Variants in HLA-DQB2 observed in about 807,000 individuals in gnomAD.
The protein encoded by HLA-DQB2 is major histocompatibility complex, class II, DQ beta 2.
HLA-DQB2 carries 24 observed loss-of-function variants against 29.2 expected under a neutral mutation model. The ratio of observed to expected loss-of-function variants is 0.82; its 90% CI spans 0.60 to 1.16. The LOEUF (loss-of-function observed/expected upper bound fraction) is 1.16. Among genes scored for constraint, HLA-DQB2 ranks in the 50% most tolerant of loss-of-function variants. HLA-DQB2 has a pLI of 0.00. For missense variants in HLA-DQB2, 273 were observed against 343.6 expected, an observed-to-expected ratio of 0.79 and a Z score of 1.62; for synonymous variants, 104 against 133.1, an observed-to-expected ratio of 0.78 and a Z score of 1.51.
Position 32,761,742 on chromosome 6 carries a change from G to A in HLA-DQB2, c.282C>T (p.Phe94=), listed in dbSNP as rs1764845121. The A allele has an allele frequency of 6.4e-7, 1 of 1,558,736 alleles. No homozygotes were observed. The highest frequency in any genetic ancestry group is 8.7e-7 in the Non-Finnish European group (1 of 1,151,336). The change falls in exon 2 of 6, where the codon TTC becomes TTT. Residue 94 remains phenylalanine (F), a synonymous_variant. Coordinates refer to ENST00000437316, the MANE Select transcript of HLA-DQB2 (RefSeq NM_001300790.2). The part of the protein sequence containing the change: ...SIEDWNNYKD[F]LEQERAAVDK... ...CCACCGCGGCCCGCTCCTGCTCCAA[G>A]AAGTCCTTATAGTTGTTCCAGTCCT...
At chr6:32,763,093 A>G (rs1004780791) in intron 1 of HLA-DQB2, among the ~76,000 whole-genome samples, 1 of 152,142 alleles carries the variant, frequency 6.6e-6, no homozygotes, top group East Asian at 1.9e-4. Context: ...GTGGAGTGCC[A>G]TGGTCATTTT....
rs1765027762 is a variant in HLA-DQB2, at chr6:32,763,444, A to G, written c.27T>C (p.Phe9=). Residue 9 remains phenylalanine (F), a synonymous_variant, in exon 1 of 6, where the codon TTT becomes TTC. Transcript: ENST00000437316. ...GCATCACGGTCACAGCTGCTGCCCAAAAGCCTCCAGGGATCTGCAGAGCCA... is the reference window on the plus strand; with the variant it reads ...GCATCACGGTCACAGCTGCTGCCCAGAAGCCTCCAGGGATCTGCAGAGCCA... MALQIPGG[F]WAAAVTVMLV... is the part of the protein sequence containing the mutation. The G allele has an allele frequency of 6.4e-7, 1 of 1,560,720 alleles. No homozygotes were observed. Among genetic ancestry groups the G allele is most frequent in the Non-Finnish European group, 8.7e-7 (1 of 1,151,938 alleles).
Position 32,758,957 on chromosome 6 carries a change from C to T in HLA-DQB2, c.539G>A (p.Trp180Ter). 2 of 1,614,262 alleles carry T rather than the reference C, an allele frequency of 1.2e-6. No homozygotes were observed. Among genetic ancestry groups the T allele is most frequent in the Non-Finnish European group, 1.7e-6 (2 of 1,180,050 alleles). The change falls in exon 3 of 6, where the codon TGG becomes TAG. Residue 180 changes from tryptophan (W) to a stop codon, truncating the protein, a stop_gained. Transcript: ENST00000437316. LOFTEE classifies it high-confidence loss of function. ...CAGCATCACCAGAATCTGGAAGGTC[C>T]AGTCACCATTCCTAATGAGGGAGGT... Reference protein sequence around the residue: ...VSTSLIRNGDWTFQILVMLEI... With the variant: ...VSTSLIRNGD
Position 32,759,100 on chromosome 6 carries a change from C to G in HLA-DQB2, c.396G>C (p.Arg132Ser). 1 of 1,613,790 alleles carries G rather than the reference C, an allele frequency of 6.2e-7. No homozygotes were observed. Among genetic ancestry groups the G allele is most frequent in the Non-Finnish European group, 8.5e-7 (1 of 1,179,918 alleles). Residue 132 changes from arginine (R) to serine (S), a missense_variant, in exon 3 of 6, where the codon AGG becomes AGC. Physicochemically the swap from Arg to Ser is moderately radical, Grantham distance 110. Transcript: ENST00000437316. ...VEPTVTISPS[R>S]TEALNHHNLL... Reference sequence around the variant, plus strand: ...GGTTGTGGTGGTTGAGGGCCTCTGTCCTGGATGGGGAGATGGTCACTGTGG... The same window carrying G: ...GGTTGTGGTGGTTGAGGGCCTCTGTGCTGGATGGGGAGATGGTCACTGTGG...
At position 32,762,066 on chromosome 6, in the gene HLA-DQB2, G is replaced by T. The variant is rs556012295; in HGVS notation, c.98-140C>A. The T allele has an allele frequency of 1.3e-5, 15 of 1,183,672 alleles. No individual in the cohort carries two copies. The African/African-American group carries it at 2.3e-4, about 18-fold the overall frequency. 73.3% of individuals were successfully genotyped at this position (1,183,672 alleles called of 1,614,324 possible). A position where few individuals can be genotyped will look rare whatever the true frequency, so the allele number is the denominator to read the frequency against. On this transcript the variant is annotated intron_variant, in intron 1 of 5. Transcript: ENST00000437316. ...CCACGCGAAATTGAGTTCTTGGCTGGGCCCGTGCCTCGTGCTCCGGACCTG... is the reference window on the plus strand; with the variant it reads ...CCACGCGAAATTGAGTTCTTGGCTGTGCCCGTGCCTCGTGCTCCGGACCTG...
In HLA-DQB2 at chr6:32,756,182, G is replaced by GT; in HGVS notation, c.*270dup. The GT allele has an allele frequency of 5.9e-6, 3 of 508,300 alleles. No individual in the cohort carries two copies. Among genetic ancestry groups the GT allele is most frequent in the Middle Eastern group, 1.0e-3 (2 of 1,976 alleles). 31.5% of individuals were successfully genotyped at this position (508,300 alleles called of 1,614,324 possible). On this transcript the variant is annotated 3_prime_UTR_variant, in exon 6 of 6. Transcript: ENST00000437316. ...TTGTCATGCTTCTCTTGACAGGTCTGTGGGGGGAGAATGGAAACAGAGATG... is the reference window on the plus strand; with the variant it reads ...TTGTCATGCTTCTCTTGACAGGTCTGTTGGGGGGAGAATGGAAACAGAGATG...
intron 3 of HLA-DQB2, 123 bp downstream of exon 3, chr6:32,758,727 G>C: frequency 8.7e-7 from 1 of 1,152,106 alleles, no homozygotes; most frequent in Non-Finnish European, 1.2e-6. Context: ...AGGTGCTCTA[G>C]TCTCCTGTGA....
At position 32,761,693 on chromosome 6, in the gene HLA-DQB2, C is replaced by T. The variant is rs201740281; in HGVS notation, c.331G>A (p.Glu111Lys). 2.6e-6 allele frequency: 4 copies of T among 1,551,442 alleles called. No individual in the cohort carries two copies. The highest frequency in any genetic ancestry group is 2.6e-6 in the Non-Finnish European group (3 of 1,147,646). The change falls in exon 2 of 6, where the codon GAG (glutamate) becomes AAG (lysine). Residue 111 changes from glutamate to lysine, a missense_variant. Transcript: ENST00000437316. ...TGCAAGGTCGTGCGCAGCTCCGCCT[C>T]GTAGTTGTGTCTGCACACCTTGTCC... ...AVDKVCRHNY[E>K]AELRTTLQRQ... is the part of the protein sequence containing the mutation.
Position 32,761,705 on chromosome 6 carries a change from T to A in HLA-DQB2, c.319A>T (p.Arg107Ter). 2 of 1,552,842 alleles carry A rather than the reference T, an allele frequency of 1.3e-6. No homozygotes were observed. The highest frequency in any genetic ancestry group is 4.9e-5 in the East Asian group (2 of 40,968). ...QERAAVDKVC[R>*]HNYEAELRTT... Reference sequence around the variant, plus strand: ...CGCAGCTCCGCCTCGTAGTTGTGTCTGCACACCTTGTCCACCGCGGCCCGC... The same window carrying A: ...CGCAGCTCCGCCTCGTAGTTGTGTCAGCACACCTTGTCCACCGCGGCCCGC... Residue 107 changes from arginine (R) to a stop codon, truncating the protein, a stop_gained, in exon 2 of 6, where the codon AGA (arginine) becomes TGA (stop). Coordinates refer to ENST00000437316, the MANE Select transcript of HLA-DQB2 (RefSeq NM_001300790.2). LOFTEE classifies it high-confidence loss of function.
chr6:32,758,928 T>C lies in HLA-DQB2; in HGVS notation c.568A>G (p.Ile190Val), dbSNP rs766093798. 2.5e-6 allele frequency: 4 copies of C among 1,614,052 alleles called. No individual in the cohort carries two copies. The highest frequency in any genetic ancestry group is 2.5e-6 in the Non-Finnish European group (3 of 1,180,012). ...TAGATGTCTCCACGCTGGGGAGTTA[T>C]TTCCAGCATCACCAGAATCTGGAAG... ...WTFQILVMLE[I>V]TPQRGDIYTC... Residue 190 changes from isoleucine to valine, a missense_variant, in exon 3 of 6, where the codon ATA (isoleucine) becomes GTA (valine). Coordinates refer to ENST00000437316, the MANE Select transcript of HLA-DQB2 (RefSeq NM_001300790.2).
At chr6:32,760,351 G>A (rs1234640066) in intron 2 of HLA-DQB2, among the ~76,000 whole-genome samples, 2 of 151,986 alleles carry the variant, frequency 1.3e-5, no homozygotes, top group Non-Finnish European at 2.9e-5. Flanking sequence ...CTGTGTAGAC[G>A]AGTATTGAAG....
chr6:32,758,054 C>T (rs1463873534), intron 3 of HLA-DQB2, among the ~76,000 whole-genome samples, 171 bp from the exon 4 acceptor site: 2 of 152,128 alleles, frequency 1.3e-5, no homozygotes, highest in African/African-American at 4.8e-5. Flanking sequence ...GAGGAAGAAG[C>T]ACACCCCTGC....
At chr6:32,757,347 C>T (rs764283425) in intron 4 of HLA-DQB2, 43 bp from the exon 5 acceptor site, 54 of 1,369,310 alleles carry the variant, frequency 3.9e-5, no homozygotes, top group Non-Finnish European at 4.7e-5. Context: ...GTTAAACAAA[C>T]AACCACTATC....
At chr6:32,759,225 A>T in intron 2 of HLA-DQB2, 94 bp from the exon 3 acceptor site, 1 of 1,285,040 alleles carries the variant, frequency 7.8e-7, no homozygotes, top group Non-Finnish European at 1.0e-6. Context: ...TGGAACCAGA[A>T]TAGAAAGATA....
Position 32,763,429 on chromosome 6 carries a change from C to T in HLA-DQB2, c.42G>A (p.Val14=). ...QIPGGFWAAA[V]TVMLVMLSTP... ...TGCTCAGCATCACCAGCATCACGGT[C>T]ACAGCTGCTGCCCAAAAGCCTCCAG... is the stretch of plus-strand genomic sequence containing the variant. Residue 14 remains valine, a synonymous_variant, in exon 1 of 6, where the codon GTG becomes GTA. Transcript: ENST00000437316. 4 of 1,562,862 alleles carry T rather than the reference C, an allele frequency of 2.6e-6. No homozygotes were observed. The highest frequency in any genetic ancestry group is 3.5e-6 in the Non-Finnish European group (4 of 1,153,102).
intron 1 of HLA-DQB2, among the ~76,000 whole-genome samples, chr6:32,763,160 A>T (rs1765000788): frequency 6.6e-6 from 1 of 151,534 alleles, no homozygotes; most frequent in African/African-American, 2.4e-5. Context: ...CTCCTCCTTC[A>T]GGCTTAAACC....
rs1764878327 is a variant in HLA-DQB2 at position 32,761,938 on chromosome 6, C to A, written c.98-12G>T. On this transcript the variant is annotated splice_polypyrimidine_tract_variant and intron_variant, in intron 1 of 5. Coordinates refer to ENST00000437316, the MANE Select transcript of HLA-DQB2 (RefSeq NM_001300790.2). ...GACCAAGAAATCCTCTGCGGAGAAT[C>A]ACGGCGGGTCAGTCAGGCCCCAGCA... 2 of 1,596,876 alleles carry A rather than the reference C, an allele frequency of 1.3e-6. No individual in the cohort carries two copies. Among genetic ancestry groups the A allele is most frequent in the Non-Finnish European group, 1.7e-6 (2 of 1,172,642 alleles).
intron 5 of HLA-DQB2, 44 bp downstream of exon 5, chr6:32,757,237 T>G (rs1339250330): frequency 6.5e-7 from 1 of 1,550,142 alleles, no homozygotes; most frequent in South Asian, 1.2e-5. Flanking sequence ...TTCCCTCTTA[T>G]GCCTGTGCCC....
intron 2 of HLA-DQB2, among the ~76,000 whole-genome samples, chr6:32,761,194 C>G (rs1214972439): frequency 6.6e-6 from 1 of 151,086 alleles, no homozygotes; most frequent in East Asian, 2.0e-4. Context: ...TGGAGCAGCC[C>G]TAACTCCACC....
Sources: gnomAD v4.1 joint callset for allele counts (sites outside exome capture counted in the v4.1 genomes callset) on GRCh38, gnomAD v4.1.1 for gene constraint, MANE v1.5 for transcripts, NCBI Gene and HGNC (gene_info 2026-07-23, HGNC 2026-07-21) for gene names.